The following PDE4D variants were observed in gnomAD, a reference collection of about 807,000 sequenced individuals.
PDE4D encodes 3',5'-cyclic-AMP phosphodiesterase 4D.
PDE4D carries 24 observed loss-of-function variants against 87.4 expected under a neutral mutation model. The observed-to-expected ratio is 0.27, with a 90% CI of 0.20 to 0.39. PDE4D has a LOEUF of 0.39. PDE4D is among the 10% of genes least tolerant of loss of function. The pLI, the probability that PDE4D is intolerant of heterozygous loss-of-function variation, is 1.00. For synonymous variants in PDE4D, 384 were observed against 383.2 expected (o/e 1.00, Z -0.02); for missense variants, 714 against 1,041.0 (o/e 0.69, Z 4.32).
At chr5:60,025,528 C>A (rs1239833714) in intron 2 of PDE4D, among the ~76,000 whole-genome samples, 1 of 152,086 alleles carries the variant, frequency 6.6e-6, no homozygotes, top group Non-Finnish European at 1.5e-5. Context: ...TTTTTCTCAG[C>A]ATGTAAAATG....
intron 1 of PDE4D, among the ~76,000 whole-genome samples, chr5:60,504,717 C>T (rs571538649): frequency 3.3e-5 from 5 of 152,240 alleles, no homozygotes; most frequent in African/African-American, 1.2e-4. Flanking sequence ...ATGTATTTGA[C>T]ATTAAAATTG....
intron 1 of PDE4D, among the ~76,000 whole-genome samples, chr5:60,290,290 T>C (rs1752778239): frequency 6.6e-6 from 1 of 152,112 alleles, no homozygotes; most frequent in African/African-American, 2.4e-5. Flanking sequence ...AAGTAAATGA[T>C]TATAAATCAT....
chr5:59,623,451 C>T (rs1179373562), intron 1 of PDE4D, among the ~76,000 whole-genome samples: 1 of 152,200 alleles, frequency 6.6e-6, no homozygotes, highest in African/African-American at 2.4e-5. Context: ...AAGACAAAGT[C>T]GTGGACTTGG....
chr5:59,911,260 A>G lies in PDE4D; in HGVS notation c.272+77228T>C, dbSNP rs990900962. On this transcript the variant is annotated intron_variant, in intron 3 of 16. Coordinates refer to the PDE4D transcript ENST00000502484. ...ATCCCCAGTTGCTCCTAGGGATAAC[A>G]TCACTATTGTAAAACCTAAGATTGG... Among the ~76,000 whole-genome samples, 56 of 152,328 alleles carry G rather than the reference A, an allele frequency of 3.7e-4. No homozygotes were observed. The Middle Eastern group carries it at 0.01, about 28-fold the overall frequency.
intron 2 of PDE4D, among the ~76,000 whole-genome samples, chr5:59,201,174 A>G (rs1281581050): frequency 6.6e-6 from 1 of 152,218 alleles, no homozygotes; most frequent in African/African-American, 2.4e-5. Context: ...TTCATTTTTA[A>G]AAAGCTACTT....
intron 1 of PDE4D, among the ~76,000 whole-genome samples, chr5:60,514,179 G>T (rs1397721311): frequency 2.0e-5 from 3 of 151,888 alleles, no homozygotes; most frequent in Non-Finnish European, 4.4e-5. Flanking sequence ...AGATCCTTCA[G>T]ATATATTAAA....
At chr5:60,461,875 C>T (rs1039654945) in intron 1 of PDE4D, among the ~76,000 whole-genome samples, 6 of 152,192 alleles carry the variant, frequency 3.9e-5, no homozygotes, top group African/African-American at 1.4e-4. Flanking sequence ...ATGAAGAATA[C>T]GCTGGACCTC....
chr5:59,915,274 A>G (rs1429765928), intron 3 of PDE4D, among the ~76,000 whole-genome samples: 1 of 152,182 alleles, frequency 6.6e-6, no homozygotes. Flanking sequence ...CAGTCTGAGG[A>G]TTGAATTGGA....
intron 1 of PDE4D, among the ~76,000 whole-genome samples, chr5:59,543,978 T>C (rs1342477338): frequency 6.6e-6 from 1 of 152,196 alleles, no homozygotes; most frequent in Non-Finnish European, 1.5e-5. Flanking sequence ...TCTGAATTGT[T>C]TGCTGTTTGT....
chr5:59,696,767 T>C (rs994691346), intron 1 of PDE4D, among the ~76,000 whole-genome samples: 5 of 152,192 alleles, frequency 3.3e-5, no homozygotes, highest in African/African-American at 1.2e-4. Flanking sequence ...TTGTCACTTG[T>C]ATTATTTTTT....
chr5:59,143,976 G>A (rs1778263626), intron 5 of PDE4D, among the ~76,000 whole-genome samples: 1 of 152,162 alleles, frequency 6.6e-6, no homozygotes, highest in East Asian at 1.9e-4. Flanking sequence ...GCAGAATAAG[G>A]CAAAGGTACT....
intron 6 of PDE4D, among the ~76,000 whole-genome samples, chr5:59,004,146 A>T (rs967004729): frequency 5.9e-5 from 9 of 152,120 alleles, no homozygotes; most frequent in African/African-American, 2.2e-4. Context: ...TAAAAAAAAA[A>T]TCAGTATAAT....
chr5:59,364,082 C>T (rs925148653), intron 1 of PDE4D, among the ~76,000 whole-genome samples: 1 of 152,104 alleles, frequency 6.6e-6, no homozygotes, highest in Non-Finnish European at 1.5e-5. Flanking sequence ...AAGAAAACAG[C>T]TTATTGTTGT....
chr5:59,579,317 A>C (rs1006730130), intron 1 of PDE4D, among the ~76,000 whole-genome samples: 1 of 152,156 alleles, frequency 6.6e-6, no homozygotes, highest in Non-Finnish European at 1.5e-5. Context: ...ATCCCCTATG[A>C]ATAAATAACT....
intron 1 of PDE4D, among the ~76,000 whole-genome samples, chr5:59,820,690 A>T (rs977979219): frequency 1.3e-5 from 2 of 152,162 alleles, no homozygotes; most frequent in East Asian, 3.9e-4. Context: ...GTTGTTTTGC[A>T]AAAAAATGAA....
chr5:60,085,071 A>G (rs950028171), intron 2 of PDE4D, among the ~76,000 whole-genome samples: 2 of 152,192 alleles, frequency 1.3e-5, no homozygotes, highest in African/African-American at 2.4e-5. Context: ...AAAGAGACAG[A>G]ACTCTAGATA....
At chr5:60,421,731 A>G (rs1182803434) in intron 1 of PDE4D, among the ~76,000 whole-genome samples, 1 of 152,148 alleles carries the variant, frequency 6.6e-6, no homozygotes, top group Admixed American at 6.5e-5. Flanking sequence ...GAAGGATGGT[A>G]ATAACAAACT....
chr5:59,706,785 C>T (rs377336074), intron 1 of PDE4D, among the ~76,000 whole-genome samples: 14 of 152,150 alleles, frequency 9.2e-5, no homozygotes, highest in South Asian at 2.1e-4. Context: ...AATCCTTTTC[C>T]GAGCTCCTTC....
chr5:59,541,357 A>C (rs765538941), intron 1 of PDE4D, among the ~76,000 whole-genome samples: 21 of 152,236 alleles, frequency 1.4e-4, no homozygotes, highest in Non-Finnish European at 2.5e-4. Context: ...TAAATGAAGA[A>C]AATTAATCAG....
Sources: allele counts gnomAD v4.1 joint callset (sites outside exome capture counted in the v4.1 genomes callset), GRCh38; gene constraint gnomAD v4.1.1; transcripts MANE v1.5; gene names NCBI Gene and HGNC (gene_info 2026-07-23, HGNC 2026-07-21).